Variants in KRT19 observed in about 807,000 individuals in gnomAD.
The protein encoded by KRT19 is keratin 19.
KRT19 carries 21 observed loss-of-function variants against 34.6 expected under a neutral mutation model. The observed-to-expected ratio is 0.61, with a 90% confidence interval of 0.43 to 0.87. KRT19 has a LOEUF of 0.87. KRT19 is among the 40% of genes least tolerant of loss of function. KRT19 has a pLI of 0.00. For missense variants in KRT19, 514 were observed against 545.7 expected (o/e 0.94, Z 0.58); for synonymous variants, 240 against 245.8 (o/e 0.98, Z 0.22).
chr17:41,526,242 G>A (rs1039402942), intron 1 of KRT19, among the ~76,000 whole-genome samples: 4 of 152,124 alleles, frequency 2.6e-5, no homozygotes, highest in African/African-American at 9.7e-5. Flanking sequence ...CCAAAGTGCT[G>A]GGATTACAGG....
rs994288129 is a variant in KRT19, at chr17:41,524,824, G to A, written c.660+19C>T. 5 of 1,612,698 alleles carry A rather than the reference G, an allele frequency of 3.1e-6. No homozygotes were observed. The highest frequency in any genetic ancestry group is 1.7e-5 in the Admixed American group (1 of 59,996). ...GGAGGTTAGGGAAGGATGGAAGAAA[G>A]GCCCAGCTTCAAACCCACCTCCTCA... is the stretch of plus-strand genomic sequence containing the variant. On this transcript the variant is annotated intron_variant, in intron 3 of 5. Transcript: ENST00000361566.
chr17:41,525,322 C>T, intron 1 of KRT19, 49 bp from the exon 2 acceptor site: 1 of 1,294,802 alleles, frequency 7.7e-7, no homozygotes, highest in South Asian at 1.2e-5. Context: ...ACAGGCACTG[C>T]CCACTCACTT....
chr17:41,524,122 C>T lies in KRT19; in HGVS notation c.948+21G>A, dbSNP rs774514479. ...AAGTGTGAATTGCACAGGGAAGCGG[C>T]GGCGGTGGGGGGACACATACCATGC... On this transcript the variant is annotated intron_variant, in intron 5 of 5. Transcript: ENST00000361566. 22 of 1,606,794 alleles carry T rather than the reference C, an allele frequency of 1.4e-5. No homozygotes were observed. The Admixed American group carries it at 2.7e-4, about 20-fold the overall frequency.
At position 41,523,972 on chromosome 17, in the gene KRT19, G is replaced by C. The variant is rs779608973; in HGVS notation, c.974C>G (p.Ala325Gly). 6.2e-7 allele frequency: 1 copy of C among 1,612,130 alleles called. No individual in the cohort carries two copies. The highest frequency in any genetic ancestry group is 8.5e-7 in the Non-Finnish European group (1 of 1,178,496). ...SMKAALEDTL[A>G]ETEARFGAQL... ...GGCTCCAAAGCGCGCCTCCGTTTCT[G>C]CCAGTGTGTCTTCCAAGGCAGCTTT... Residue 325 changes from alanine to glycine, a missense_variant, in exon 6 of 6, where the codon GCA (alanine) becomes GGA (glycine). Transcript: ENST00000361566.
chr17:41,524,543 G>A lies in KRT19; in HGVS notation c.661-3C>T. 2 of 1,613,916 alleles carry A rather than the reference G, an allele frequency of 1.2e-6. No homozygotes were observed. Among genetic ancestry groups the A allele is most frequent in the Non-Finnish European group, 1.7e-6 (2 of 1,179,896 alleles). On this transcript the variant is annotated splice_polypyrimidine_tract_variant and splice_region_variant and intron_variant, in intron 3 of 5. Coordinates refer to ENST00000361566, the MANE Select transcript of KRT19 (RefSeq NM_002276.5). Reference sequence around the variant, plus strand: ...TGGCCCCTCAGCGTACTGATTTCCTGTAAAGATACAGCAGAGATGGGCATG... The same window carrying A: ...TGGCCCCTCAGCGTACTGATTTCCTATAAAGATACAGCAGAGATGGGCATG...
chr17:41,527,759 C>T (rs981790530), intron 1 of KRT19, 69 bp downstream of exon 1: 3 of 1,491,670 alleles, frequency 2.0e-6, no homozygotes, highest in South Asian at 2.7e-5. Context: ...CCTGGAACCT[C>T]GCCCGGCCCG....
At position 41,525,372 on chromosome 17, in the gene KRT19, G is replaced by T. The variant is rs140493833; in HGVS notation, c.421-99C>A. On this transcript the variant is annotated intron_variant, in intron 1 of 5. Transcript: ENST00000361566. Reference sequence around the variant, plus strand: ...AGAGGGGAGCAAATGAATATACCCCGGCACCCTAGAGACCAAAGCCCTAGC... The same window carrying T: ...AGAGGGGAGCAAATGAATATACCCCTGCACCCTAGAGACCAAAGCCCTAGC... 2.9e-4 allele frequency: 269 copies of T among 918,916 alleles called. 1 individual carries two copies. In the African/African-American group the frequency reaches 3.5e-3, roughly 12 times the overall value. The allele number at this position is 918,916 out of a possible 1,614,324, so 56.9% of individuals were successfully genotyped here. A position where few individuals can be genotyped will look rare whatever the true frequency, so the allele number is the denominator to read the frequency against.
chr17:41,523,980 G>GTC lies in KRT19; in HGVS notation c.964_965dup (p.Asp322GlufsTer21). 6.2e-7 allele frequency: 1 copy of GTC among 1,611,594 alleles called. No individual in the cohort carries two copies. Among genetic ancestry groups the GTC allele is most frequent in the Non-Finnish European group, 8.5e-7 (1 of 1,178,040 alleles). The stretch of plus-strand genomic sequence containing the variant: ...AGCGCGCCTCCGTTTCTGCCAGTGT[G>GTC]TCTTCCAAGGCAGCTTTCTGAGGAT... On this transcript the variant is annotated frameshift_variant, in exon 6 of 6. Transcript: ENST00000361566. LOFTEE classifies it high-confidence loss of function.
At position 41,527,922 on chromosome 17, in the gene KRT19, T is replaced by A. The variant is rs566460272; in HGVS notation, c.326A>T (p.Glu109Val). The change falls in exon 1 of 6, where the codon GAG becomes GTG. Residue 109 changes from glutamate (E) to valine (V), a missense_variant. Physicochemically the swap from Glu to Val is moderately radical, Grantham distance 121. Transcript: ENST00000361566. Reference protein sequence around the residue: ...RALEAANGELEVKIRDWYQKQ... With the variant: ...RALEAANGELVVKIRDWYQKQ... The stretch of plus-strand genomic sequence containing the variant: ...CTGGTACCAGTCGCGGATCTTCACC[T>A]CTAGCTCGCCGTTGGCCGCCTCCAG... 8.7e-6 allele frequency: 14 copies of A among 1,613,544 alleles called. No homozygotes were observed. The highest frequency in any genetic ancestry group is 1.2e-5 in the Non-Finnish European group (14 of 1,179,878).
intron 1 of KRT19, among the ~76,000 whole-genome samples, chr17:41,526,176 G>A (rs1274076903): frequency 6.6e-6 from 1 of 151,948 alleles, no homozygotes; most frequent in African/African-American, 2.4e-5. Flanking sequence ...GGGTTTCACC[G>A]TGTTAGCCAG....
intron 5 of KRT19, 70 bp downstream of exon 5, chr17:41,524,073 G>T (rs1905766624): frequency 1.3e-6 from 2 of 1,597,672 alleles, no homozygotes; most frequent in East Asian, 4.5e-5. Context: ...CCACCGGCCA[G>T]GCTGCCCTAG....
At position 41,524,166 on chromosome 17, in the gene KRT19, C is replaced by T. The variant is rs746715462; in HGVS notation, c.925G>A (p.Glu309Lys). 8 of 1,613,962 alleles carry T rather than the reference C, an allele frequency of 5.0e-6. No individual in the cohort carries two copies. In the South Asian group the frequency reaches 7.7e-5, roughly 16 times the overall value. ...ACCATGCTCAGCTGTGACTGCAGCTCAATCTCAAGACCCTGAAGGGTGCGC... is the reference window on the plus strand; with the variant it reads ...ACCATGCTCAGCTGTGACTGCAGCTTAATCTCAAGACCCTGAAGGGTGCGC... The part of the protein sequence containing the change: ...LRRTLQGLEI[E>K]LQSQLSMKAA... Residue 309 changes from glutamate (E) to lysine (K), a missense_variant, in exon 5 of 6, where the codon GAG (glutamate) becomes AAG (lysine). Transcript: ENST00000361566.
In KRT19 at chr17:41,524,134, G is replaced by A; in HGVS notation, c.948+9C>T. The A allele has an allele frequency of 1.2e-6, 2 of 1,613,026 alleles. No homozygotes were observed. Among genetic ancestry groups the A allele is most frequent in the Non-Finnish European group, 1.7e-6 (2 of 1,179,482 alleles). ...CACAGGGAAGCGGCGGCGGTGGGGG[G>A]ACACATACCATGCTCAGCTGTGACT... On this transcript the variant is annotated intron_variant, in intron 5 of 5. Transcript: ENST00000361566.
Position 41,525,112 on chromosome 17 carries a change from C to T in KRT19, c.503+79G>A, listed in dbSNP as rs1472386703. ...GGGGGTTAGCTTCAGGCCATCTAGGCTAGGTGAGGGCAGATTCTAAACCCC... is the reference window on the plus strand; with the variant it reads ...GGGGGTTAGCTTCAGGCCATCTAGGTTAGGTGAGGGCAGATTCTAAACCCC... On this transcript the variant is annotated intron_variant, in intron 2 of 5. Coordinates refer to ENST00000361566, the MANE Select transcript of KRT19 (RefSeq NM_002276.5). The T allele has an allele frequency of 1.9e-6, 3 of 1,560,334 alleles. No homozygotes were observed. The African/African-American group carries it at 4.1e-5, about 21-fold the overall frequency.
rs769840466 is a variant in KRT19 at position 41,525,222 on chromosome 17, C to T, written c.472G>A (p.Ala158Thr). ...NSRIVLQIDNARLAADDFRTK... is the reference protein window; with the variant it reads ...NSRIVLQIDNTRLAADDFRTK... ...CGGAAGTCATCTGCAGCCAGACGGGCATTGTCGATCTGCAGGACAATCCTG... is the reference window on the plus strand; with the variant it reads ...CGGAAGTCATCTGCAGCCAGACGGGTATTGTCGATCTGCAGGACAATCCTG... Residue 158 changes from alanine (A) to threonine (T), a missense_variant, in exon 2 of 6, where the codon GCC (alanine) becomes ACC (threonine). Coordinates refer to ENST00000361566, the MANE Select transcript of KRT19 (RefSeq NM_002276.5). 2.5e-5 allele frequency: 40 copies of T among 1,613,700 alleles called. No individual in the cohort carries two copies. In the South Asian group the frequency reaches 3.1e-4, roughly 12 times the overall value.
In KRT19 at chr17:41,524,224, G is replaced by C. The variant is rs1567722025; in HGVS notation, c.867C>G (p.Leu289=). Residue 289 remains leucine, a synonymous_variant, in exon 5 of 6, where the codon CTC becomes CTG. Coordinates refer to ENST00000361566, the MANE Select transcript of KRT19 (RefSeq NM_002276.5). The part of the protein sequence containing the change: ...NREVAGHTEQ[L]QMSRSEVTDL... ...CAGTAACCTCGGACCTGCTCATCTG[G>C]AGCTGCTCCGTGTGGCCAGCGACCT... The C allele has an allele frequency of 6.2e-7, 1 of 1,614,160 alleles. No individual in the cohort carries two copies.
chr17:41,524,517 T>G lies in KRT19; in HGVS notation c.684A>C (p.Gln228His), dbSNP rs541460622. 1 of 1,614,132 alleles carries G rather than the reference T, an allele frequency of 6.2e-7. No homozygotes were observed. Among genetic ancestry groups the G allele is most frequent in the East Asian group, 2.2e-5 (1 of 44,872 alleles). ...CCTCCACACTGACCTGGCCTCCCAC[T>G]TGGCCCCTCAGCGTACTGATTTCCT... is the stretch of plus-strand genomic sequence containing the variant. ...HEEEISTLRG[Q>H]VGGQVSVEVD... The change falls in exon 4 of 6, where the codon CAA becomes CAC. Residue 228 changes from glutamine (Q) to histidine (H), a missense_variant. Coordinates refer to ENST00000361566, the MANE Select transcript of KRT19 (RefSeq NM_002276.5).
rs550878833 is a variant in KRT19 at position 41,528,191 on chromosome 17, G to C, written c.57C>G (p.Gly19=). The change falls in exon 1 of 6, where the codon GGC becomes GGG. Residue 19 remains glycine (G), a synonymous_variant. Transcript: ENST00000361566. ...SSATSSFGGL[G]GGSVRFGPGV... ...CCGGCCCAAAACGCACGGAGCCGCC[G>C]CCCAGGCCTCCGAAGGACGACGTGG... is the stretch of plus-strand genomic sequence containing the variant. 2 of 1,588,890 alleles carry C rather than the reference G, an allele frequency of 1.3e-6. No individual in the cohort carries two copies. The highest frequency in any genetic ancestry group is 1.1e-5 in the South Asian group (1 of 89,150).
chr17:41,527,780 T>C, intron 1 of KRT19, 48 bp downstream of exon 1: 3 of 1,511,186 alleles, frequency 2.0e-6, no homozygotes, highest in Non-Finnish European at 2.6e-6. Flanking sequence ...CGGGGCTGGG[T>C]TTCCGCGGCA....
Sources: allele counts gnomAD v4.1 joint callset (sites outside exome capture counted in the v4.1 genomes callset), GRCh38; gene constraint gnomAD v4.1.1; transcripts MANE v1.5; gene names NCBI Gene and HGNC (gene_info 2026-07-23, HGNC 2026-07-21).